XIRP2: variants seen among roughly 807,000 people sequenced by gnomAD.
The protein encoded by XIRP2 is xin actin binding repeat containing 2, also known as xin actin-binding repeat-containing protein 2.
XIRP2 carries 236 observed loss-of-function variants against 277.0 expected under a neutral mutation model. The observed-to-expected ratio is 0.85, with a 90% CI of 0.77 to 0.95. The LOEUF (loss-of-function observed/expected upper bound fraction) is 0.95, where lower values mean the gene tolerates loss of function less well. XIRP2 is among the 40% of genes least tolerant of loss of function. The pLI, the probability that XIRP2 is intolerant of heterozygous loss-of-function variation, is 0.00. For missense variants in XIRP2, 4,640 were observed against 4,157.5 expected (o/e 1.12, Z -3.19); for synonymous variants, 1,490 against 1,416.5 (o/e 1.05, Z -1.17).
At chr2:167,097,633 A>T (rs1690359652) in intron 2 of XIRP2, among the ~76,000 whole-genome samples, 1 of 152,134 alleles carries the variant, frequency 6.6e-6, no homozygotes, top group Non-Finnish European at 1.5e-5. Context: ...TAGTTGATGC[A>T]GTTTCTTCAT....
intron 2 of XIRP2, among the ~76,000 whole-genome samples, chr2:167,003,624 T>C (rs893101833): frequency 6.6e-6 from 1 of 151,848 alleles, no homozygotes; most frequent in Non-Finnish European, 1.5e-5. Flanking sequence ...AAAATATTTT[T>C]GAGTAATTGG....
At chr2:166,988,399 G>A (rs1263970735) in intron 2 of XIRP2, among the ~76,000 whole-genome samples, 1 of 152,106 alleles carries the variant, frequency 6.6e-6, no homozygotes, top group African/African-American at 2.4e-5. Context: ...AGTGCAATGT[G>A]GAATTCTGAA....
Position 167,249,100 on chromosome 2 carries a change from A to C in XIRP2, c.7708A>C (p.Ile2570Leu). The change falls in exon 9 of 11, where the codon ATT (isoleucine) becomes CTT (leucine). Residue 2570 changes from isoleucine to leucine, a missense_variant. Transcript: ENST00000409195. Reference protein sequence around the residue: ...KQKQESSYYNIVKTQSQNQHI... With the variant: ...KQKQESSYYNLVKTQSQNQHI... ...GAAACAGGAGAGTTCTTACTACAAC[A>C]TTGTTAAAACTCAAAGCCAAAATCA... 4.3e-6 allele frequency: 7 copies of C among 1,613,806 alleles called. No homozygotes were observed. The highest frequency in any genetic ancestry group is 5.1e-6 in the Non-Finnish European group (6 of 1,179,798).
intron 2 of XIRP2, among the ~76,000 whole-genome samples, chr2:167,024,051 T>A (rs1256980138): frequency 6.6e-6 from 1 of 152,150 alleles, no homozygotes; most frequent in Non-Finnish European, 1.5e-5. Flanking sequence ...TTGTGCAGTA[T>A]GGCCATTTTC....
chr2:166,941,003 G>T (rs1258068700), intron 2 of XIRP2, among the ~76,000 whole-genome samples: 1 of 152,146 alleles, frequency 6.6e-6, no homozygotes, highest in African/African-American at 2.4e-5. Flanking sequence ...GTCTGCAGAG[G>T]TTTCGCTGCC....
chr2:167,004,540 AAAG>A (rs1224599400), intron 2 of XIRP2, among the ~76,000 whole-genome samples: 2 of 151,938 alleles, frequency 1.3e-5, no homozygotes, highest in African/African-American at 2.4e-5. Context: ...TTTGTAAAAG[AAAG>A]AAGATGTCAT....
intron 2 of XIRP2, among the ~76,000 whole-genome samples, chr2:167,048,986 T>C (rs1418966973): frequency 6.6e-6 from 1 of 151,994 alleles, no homozygotes; most frequent in Non-Finnish European, 1.5e-5. Context: ...TACTAGTCTT[T>C]CAGCCTCTTA....
At chr2:167,056,883 G>T (rs1324155969) in intron 2 of XIRP2, among the ~76,000 whole-genome samples, 10 of 152,160 alleles carry the variant, frequency 6.6e-5, no homozygotes, top group African/African-American at 2.4e-4. Context: ...AATAAGGAAG[G>T]TGGAATTGGG....
chr2:167,176,432 A>G (rs1692849948), intron 3 of XIRP2, among the ~76,000 whole-genome samples: 1 of 152,094 alleles, frequency 6.6e-6, no homozygotes, highest in African/African-American at 2.4e-5. Context: ...TGCAGACCGG[A>G]GCTGTTCCCA....
intron 2 of XIRP2, among the ~76,000 whole-genome samples, chr2:166,985,466 T>G (rs991556352): frequency 6.6e-6 from 1 of 151,850 alleles, no homozygotes; most frequent in African/African-American, 2.4e-5. Context: ...ATAGAGTCTC[T>G]GTCGCCCAGG....
At chr2:167,027,882 A>G (rs965760470) in intron 2 of XIRP2, among the ~76,000 whole-genome samples, 3 of 152,114 alleles carry the variant, frequency 2.0e-5, no homozygotes, top group African/African-American at 7.2e-5. Flanking sequence ...TTAAAACTTC[A>G]GGATCTCTTT....
intron 2 of XIRP2, among the ~76,000 whole-genome samples, chr2:167,069,966 T>A (rs917483949): frequency 4.6e-5 from 7 of 152,084 alleles, no homozygotes; most frequent in African/African-American, 1.7e-4. Context: ...TAATATTTTT[T>A]AAAAAATCAT....
chr2:166,959,845 A>G (rs1165768351), intron 2 of XIRP2, among the ~76,000 whole-genome samples: 2 of 151,758 alleles, frequency 1.3e-5, no homozygotes, highest in African/African-American at 4.8e-5. Context: ...ATTCCAAACC[A>G]GGTCTATTAA....
At chr2:166,913,495 G>A (rs931996375) in intron 2 of XIRP2, among the ~76,000 whole-genome samples, 6 of 152,184 alleles carry the variant, frequency 3.9e-5, no homozygotes, top group African/African-American at 1.4e-4. Context: ...GCTGGGAGCT[G>A]TAGACTGGAG....
intron 2 of XIRP2, among the ~76,000 whole-genome samples, chr2:167,044,755 CACAA>C (rs1177969835): frequency 2.0e-5 from 3 of 151,892 alleles, no homozygotes; most frequent in East Asian, 1.9e-4. Flanking sequence ...TCAGAGATTA[CACAA>C]ACAAATGGAA....
Position 167,248,077 on chromosome 2 carries a change from GAA to G in XIRP2, c.6690_6691del (p.His2232GlnfsTer4). ...CAATGTAACAGAAATGAAAGTCTCT[GAA>G]AAAAGTCACAATACATTTAAGGCAA... ...TSNVTEMKVS[E>X]KSHNTFKATN... On this transcript the variant is annotated frameshift_variant, in exon 9 of 11. Coordinates refer to ENST00000409195, the MANE Select transcript of XIRP2 (RefSeq NM_152381.6). LOFTEE classifies it high-confidence loss of function. The G allele has an allele frequency of 1.2e-6, 2 of 1,613,394 alleles. No homozygotes were observed. The highest frequency in any genetic ancestry group is 2.7e-5 in the African/African-American group (2 of 74,916).
chr2:166,977,114 T>G (rs1400712383), intron 2 of XIRP2, among the ~76,000 whole-genome samples: 1 of 152,204 alleles, frequency 6.6e-6, no homozygotes, highest in Non-Finnish European at 1.5e-5. Context: ...TGTTGGTATT[T>G]TTTTTTCCTC....
At position 167,162,106 on chromosome 2, in the gene XIRP2, G is replaced by T. The variant is rs1001048616; in HGVS notation, c.562+26044G>T. Reference sequence around the variant, plus strand: ...TCTACATCTGAGACCCCCTCAGCCTGAATTTCATTCCCTGTATCATTATCA... The same window carrying T: ...TCTACATCTGAGACCCCCTCAGCCTTAATTTCATTCCCTGTATCATTATCA... On this transcript the variant is annotated intron_variant, in intron 3 of 10. Coordinates refer to ENST00000409195, the MANE Select transcript of XIRP2 (RefSeq NM_152381.6). 2.0e-5 allele frequency among the ~76,000 whole-genome samples: 3 copies of T among 152,128 alleles called. No homozygotes were observed. The South Asian group carries it at 6.2e-4, about 32-fold the overall frequency.
At position 166,978,158 on chromosome 2, in the gene XIRP2, C is replaced by T. The variant is rs150851179; in HGVS notation, c.408+74268C>T. On this transcript the variant is annotated intron_variant, in intron 2 of 10. Transcript: ENST00000409195. Reference sequence around the variant, plus strand: ...TCTTCGTCTCATCATGTTGCATTGGCGCTTTTGTTGAAATTAAATTAAGTG... The same window carrying T: ...TCTTCGTCTCATCATGTTGCATTGGTGCTTTTGTTGAAATTAAATTAAGTG... 5.3e-4 allele frequency among the ~76,000 whole-genome samples: 80 copies of T among 152,064 alleles called. 1 individual carries two copies. In the East Asian group the frequency reaches 8.3e-3, roughly 16 times the overall value.
Sources: gnomAD v4.1 joint callset for allele counts (sites outside exome capture counted in the v4.1 genomes callset) on GRCh38, gnomAD v4.1.1 for gene constraint, MANE v1.5 for transcripts, NCBI Gene and HGNC (gene_info 2026-07-23, HGNC 2026-07-21) for gene names.